Variants in SNED1 observed in about 807,000 individuals in gnomAD.
SNED1 encodes the protein sushi, nidogen and EGF like domains 1.
A neutral mutation model predicts 166.7 loss-of-function variants in SNED1; 81 were observed. That is an observed-to-expected ratio of 0.49 (90% CI 0.41 to 0.58). The LOEUF is 0.58. Among genes scored for constraint, SNED1 ranks in the 20% least tolerant of loss-of-function variants. The probability of loss-of-function intolerance (pLI) is 0.00; values close to 1 mark genes in which losing one functional copy is unlikely to be tolerated. For missense variants in SNED1, 1,604 were observed against 2,000.2 expected, an observed-to-expected ratio of 0.80 and a Z score of 3.78; for synonymous variants, 762 against 822.0, an observed-to-expected ratio of 0.93 and a Z score of 1.25.
chr2:241,054,829 T>A (rs114392263), intron 16 of SNED1, among the ~76,000 whole-genome samples: 11 of 151,948 alleles, frequency 7.2e-5, no homozygotes, highest in Admixed American at 2.0e-4. Context: ...AAAAAGAAAA[T>A]GTTGGGGCCA....
At position 241,073,624 on chromosome 2, in the gene SNED1, C is replaced by T; in HGVS notation, c.3916+260C>T. 10 of 522,372 alleles carry T rather than the reference C, an allele frequency of 1.9e-5. No individual in the cohort carries two copies. The highest frequency in any genetic ancestry group is 3.4e-5 in the Non-Finnish European group (10 of 293,680). The allele number at this position is 522,372 out of a possible 1,614,324, so 32.4% of individuals were successfully genotyped here. ...CCAGAGTCTGAGCTAGAGAGACTGG[C>T]TTTGATGCTGCCTCCCCTCCCCTCT... On this transcript the variant is annotated intron_variant, in intron 27 of 31. Coordinates refer to ENST00000310397, the MANE Select transcript of SNED1 (RefSeq NM_001080437.3). The surrounding 1 kb of genome is among the most constrained non-coding windows in gnomAD (Gnocchi z 6.6).
chr2:241,000,398 C>T (rs7590401), intron 1 of SNED1, among the ~76,000 whole-genome samples: 1 of 152,214 alleles, frequency 6.6e-6, no homozygotes, highest in Non-Finnish European at 1.5e-5. Flanking sequence ...GAAAGTCCCT[C>T]TGGACCGGGA....
Position 241,070,153 on chromosome 2 carries a change from G to A in SNED1, c.3541G>A (p.Glu1181Lys). Residue 1181 changes from glutamate (E) to lysine (K), a missense_variant, in exon 24 of 32, where the codon GAG becomes AAG. Glu to Lys is a moderately conservative substitution (Grantham distance 56). Transcript: ENST00000310397. Reference protein sequence around the residue: ...QLSVIAVQSTELGPQHSEPAH... With the variant: ...QLSVIAVQSTKLGPQHSEPAH... ...CTCTGTGATAGCAGTGCAGAGCACG[G>A]AGCTCGGGCCGCAGCACAGCGAGCC... 6.2e-7 allele frequency: 1 copy of A among 1,608,406 alleles called. No homozygotes were observed. Among genetic ancestry groups the A allele is most frequent in the Non-Finnish European group, 8.5e-7 (1 of 1,178,982 alleles).
intron 28 of SNED1, 116 bp downstream of exon 28, chr2:241,081,909 CAGGGA>C: frequency 5.1e-6 from 4 of 785,504 alleles, no homozygotes; most frequent in South Asian, 1.6e-5. Context: ...AGGTGCCAGA[CAGGGA>C]GTCTGGTGCA....
chr2:241,070,636 G>A (rs997064189), intron 24 of SNED1, among the ~76,000 whole-genome samples: 9 of 152,220 alleles, frequency 5.9e-5, no homozygotes, highest in Admixed American at 2.6e-4. Flanking sequence ...AGGCAGGAAT[G>A]CTGGGGAGCA....
chr2:241,006,692 C>G (rs902121983), intron 1 of SNED1, among the ~76,000 whole-genome samples: 1 of 152,124 alleles, frequency 6.6e-6, no homozygotes, highest in Non-Finnish European at 1.5e-5. Flanking sequence ...GTGTGTCTAC[C>G]TACATCCACA....
At position 241,073,140 on chromosome 2, in the gene SNED1, G is replaced by A. The variant is rs180925064; in HGVS notation, c.3818-126G>A. On this transcript the variant is annotated intron_variant, in intron 26 of 31. Coordinates refer to ENST00000310397, the MANE Select transcript of SNED1 (RefSeq NM_001080437.3). The surrounding 1 kb of genome is among the most constrained non-coding windows in gnomAD (Gnocchi z 6.6). Reference sequence around the variant, plus strand: ...GGCCGACAGGTGCTGGGGCCACGCAGGGAGCCTGGTCCCCACCAGGGACAT... The same window carrying A: ...GGCCGACAGGTGCTGGGGCCACGCAAGGAGCCTGGTCCCCACCAGGGACAT... 4.2e-4 allele frequency: 289 copies of A among 680,594 alleles called. 1 individual carries two copies. The African/African-American group carries it at 4.7e-3, about 11-fold the overall frequency. 42.2% of individuals were successfully genotyped at this position (680,594 alleles called of 1,614,324 possible). A position where few individuals can be genotyped will look rare whatever the true frequency, so the allele number is the denominator to read the frequency against.
At chr2:241,007,902 G>C (rs541359304) in intron 1 of SNED1, among the ~76,000 whole-genome samples, 2 of 152,158 alleles carry the variant, frequency 1.3e-5, no homozygotes, top group African/African-American at 2.4e-5. Context: ...ACGGGCCTTC[G>C]TGCAGGCCTC....
rs746185231 is a variant in SNED1 at position 241,070,020 on chromosome 2, T to C, written c.3408T>C (p.Tyr1136=). ...APTPGSLLEA[Y]VINVTTSQST... ...CTCCAGGCAGCTTGCTGGAGGCTTA[T>C]GTCATCAATGTGACCACCAGCCAGA... The change falls in exon 24 of 32, where the codon TAT becomes TAC. Residue 1136 remains tyrosine, a synonymous_variant. Coordinates refer to ENST00000310397, the MANE Select transcript of SNED1 (RefSeq NM_001080437.3). 5 of 1,612,894 alleles carry C rather than the reference T, an allele frequency of 3.1e-6. No individual in the cohort carries two copies. Among genetic ancestry groups the C allele is most frequent in the African/African-American group, 1.3e-5 (1 of 74,952 alleles).
rs144777002 is a variant in SNED1 at position 241,014,691 on chromosome 2, G to A, written c.214-15593G>A. 5.9e-4 allele frequency among the ~76,000 whole-genome samples: 90 copies of A among 152,210 alleles called. 1 individual carries two copies. In the Middle Eastern group the frequency reaches 0.01, roughly 17 times the overall value. ...AAATATCTTTTCTCATTCTGCACTC[G>A]TTTCATCCTCTTTAATGGCATCCTT... On this transcript the variant is annotated intron_variant, in intron 1 of 31. Coordinates refer to ENST00000310397, the MANE Select transcript of SNED1 (RefSeq NM_001080437.3).
chr2:241,041,191 A>G (rs2061511807), intron 8 of SNED1: 1 of 185,998 alleles, frequency 5.4e-6, no homozygotes, highest in Admixed American at 5.5e-5. Context: ...AGGGTGGGGC[A>G]GGAGCGGGAG....
intron 4 of SNED1, chr2:241,035,484 T>C (rs2061320480): frequency 2.0e-5 from 3 of 152,184 alleles, no homozygotes; most frequent in Admixed American, 1.3e-4. Flanking sequence ...CTGCTTACAC[T>C]TGGGGCGAGG....
rs1339318060 is a variant in SNED1, at chr2:241,064,403, CCA to C, written c.2599+283_2599+284del. Among the ~76,000 whole-genome samples the C allele has an allele frequency of 2.0e-5, 3 of 152,154 alleles. No individual in the cohort carries two copies. The highest frequency in any genetic ancestry group is 4.4e-5 in the Non-Finnish European group (3 of 68,012). On this transcript the variant is annotated intron_variant, in intron 19 of 31. Coordinates refer to ENST00000310397, the MANE Select transcript of SNED1 (RefSeq NM_001080437.3). The surrounding 1 kb of genome is among the most constrained non-coding windows in gnomAD (Gnocchi z 7.0). ...CACACCCAGGGGTGGGGCCTCACGT[CCA>C]CACATAGGCCCTGCTGCCCTTGGAC...
chr2:241,038,076 C>G (rs1484025309), intron 6 of SNED1, among the ~76,000 whole-genome samples: 1 of 151,906 alleles, frequency 6.6e-6, no homozygotes, highest in Non-Finnish European at 1.5e-5. Flanking sequence ...TGGACCCCCC[C>G]CCAATTCCTG....
intron 1 of SNED1, among the ~76,000 whole-genome samples, chr2:241,016,850 C>CT (rs5839783): frequency 0.036 from 4,467 of 125,784 alleles, 195 homozygotes; most frequent in Admixed American, 0.12. Context: ...TTCTTTCTTT[C>CT]TTTTTTTTTT....
Position 241,082,413 on chromosome 2 carries a change from G to C in SNED1, c.4121+49G>C, listed in dbSNP as rs773335144. On this transcript the variant is annotated intron_variant, in intron 29 of 31. Coordinates refer to ENST00000310397, the MANE Select transcript of SNED1 (RefSeq NM_001080437.3). ...CTTACCGCATTTGTCGTGTGTTCTT[G>C]ACTCCTCAAAGTGCTGTCTCAAAGC... 5 of 1,459,804 alleles carry C rather than the reference G, an allele frequency of 3.4e-6. No individual in the cohort carries two copies. In the African/African-American group the frequency reaches 5.6e-5, roughly 16 times the overall value. 90.4% of individuals were successfully genotyped at this position (1,459,804 alleles called of 1,614,324 possible).
rs753785700 is a variant in SNED1, at chr2:241,049,983, C to G, written c.1735+50C>G. On this transcript the variant is annotated intron_variant, in intron 12 of 31. Coordinates refer to ENST00000310397, the MANE Select transcript of SNED1 (RefSeq NM_001080437.3). ...CCGGCGTCAGCACCCTGGAGAGCGCCCGCGGTCCGCCGTCCTGCTTCTCTG... is the reference window on the plus strand; with the variant it reads ...CCGGCGTCAGCACCCTGGAGAGCGCGCGCGGTCCGCCGTCCTGCTTCTCTG... 2.3e-6 allele frequency: 3 copies of G among 1,325,556 alleles called. No homozygotes were observed. The East Asian group carries it at 6.9e-5, about 31-fold the overall frequency. The allele number at this position is 1,325,556 out of a possible 1,614,324, so 82.1% of individuals were successfully genotyped here. A position where few individuals can be genotyped will look rare whatever the true frequency, so the allele number is the denominator to read the frequency against.
rs1340036984 is a variant in SNED1, at chr2:241,069,305, C to G, written c.3307+282C>G. Among the ~76,000 whole-genome samples the G allele has an allele frequency of 6.6e-6, 1 of 152,194 alleles. No homozygotes were observed. The highest frequency in any genetic ancestry group is 2.4e-5 in the African/African-American group (1 of 41,442). On this transcript the variant is annotated intron_variant, in intron 23 of 31. Transcript: ENST00000310397. This position sits in a 1 kb window ranked among gnomAD's most constrained non-coding sequence, Gnocchi z 4.9. ...GGACACCGACCAGAGGGCCAGAGGA[C>G]CTCACTGGGCCAGGGATACCCATGC... is the stretch of plus-strand genomic sequence containing the variant.
At position 241,048,707 on chromosome 2, in the gene SNED1, G is replaced by C. The variant is rs201249312; in HGVS notation, c.1445G>C (p.Gly482Ala). 340 of 1,612,916 alleles carry C rather than the reference G, an allele frequency of 2.1e-4. No homozygotes were observed. The highest frequency in any genetic ancestry group is 2.8e-4 in the Non-Finnish European group (329 of 1,179,584). Reference sequence around the variant, plus strand: ...TGCCGCAACGGAGGCAGATGCCTGGGCGCCAACACCACCCTCTGCCAGTGC... The same window carrying C: ...TGCCGCAACGGAGGCAGATGCCTGGCCGCCAACACCACCCTCTGCCAGTGC... ...CECRNGGRCLGANTTLCQCPL... is the reference protein window; with the variant it reads ...CECRNGGRCLAANTTLCQCPL... Residue 482 changes from glycine to alanine, a missense_variant, in exon 10 of 32, where the codon GGC becomes GCC. Gly to Ala is a moderately conservative substitution (Grantham distance 60). This residue lies in a region of SNED1 where 1,237 missense variants were observed against 1,620.8 expected (regional missense o/e 0.76). Coordinates refer to ENST00000310397, the MANE Select transcript of SNED1 (RefSeq NM_001080437.3).
Sources: allele counts gnomAD v4.1 joint callset (sites outside exome capture counted in the v4.1 genomes callset), GRCh38; gene constraint gnomAD v4.1.1; regional missense constraint gnomAD v4.1.1; non-coding constraint Gnocchi (gnomAD v3.1); transcripts MANE v1.5; gene names NCBI Gene and HGNC (gene_info 2026-07-23, HGNC 2026-07-21).